ANKRD17: variants seen among roughly 807,000 people sequenced by gnomAD.
ANKRD17 encodes ankyrin repeat domain-containing protein 17.
Under a neutral mutation model 229.7 loss-of-function variants are expected in ANKRD17, and 19 were observed. The observed-to-expected ratio is 0.08, with a 90% CI of 0.06 to 0.12. ANKRD17 has a LOEUF of 0.12. Among genes scored for constraint, ANKRD17 ranks in the 10% least tolerant of loss-of-function variants. ANKRD17 has a pLI of 1.00. For synonymous variants in ANKRD17, 1,112 were observed against 1,146.1 expected (o/e 0.97, Z 0.60); for missense variants, 2,176 against 3,176.8 (o/e 0.68, Z 7.57).
chr4:73,177,546 T>C lies in ANKRD17; in HGVS notation c.394-13A>G, dbSNP rs747820142. The C allele has an allele frequency of 3.5e-5, 55 of 1,565,746 alleles. No homozygotes were observed. In the East Asian group the frequency reaches 1.1e-3, roughly 30 times the overall value. ...TGAAAGACTCCACCTATAAAACAAA[T>C]GCAAAAAGAGGGAGGAAGGGAGAAA... On this transcript the variant is annotated splice_polypyrimidine_tract_variant and intron_variant, in intron 1 of 33. Coordinates refer to ENST00000358602, the MANE Select transcript of ANKRD17 (RefSeq NM_032217.5).
rs745389627 is a variant in ANKRD17 at position 73,258,425 on chromosome 4, G to T, written c.244C>A (p.Pro82Thr). Residue 82 changes from proline (P) to threonine (T), a missense_variant, in exon 1 of 34, where the codon CCC becomes ACC. Pro to Thr is a conservative substitution (Grantham distance 38, BLOSUM62 -1). Coordinates refer to ENST00000358602, the MANE Select transcript of ANKRD17 (RefSeq NM_032217.5). ...CTGCTGCTTTCGCTGCTGCTGGGGG[G>T]TCGGCAAGTCCGGTTACGCTTGGCC... ...HKAKRNRTCR[P>T]PSSSESSSDS... 56 of 1,610,340 alleles carry T rather than the reference G, an allele frequency of 3.5e-5. No homozygotes were observed. Among genetic ancestry groups the T allele is most frequent in the Non-Finnish European group, 4.1e-5 (48 of 1,179,240 alleles).
At chr4:73,080,822 T>C (rs1479986260) in intron 30 of ANKRD17, 1 of 152,268 alleles carries the variant, frequency 6.6e-6, no homozygotes, top group African/African-American at 2.4e-5. Flanking sequence ...TTTTGTTTTT[T>C]ATGAGACGGT....
At chr4:73,248,122 C>T (rs555849201) in intron 1 of ANKRD17, among the ~76,000 whole-genome samples, 7 of 151,914 alleles carry the variant, frequency 4.6e-5, no homozygotes, top group Non-Finnish European at 1.0e-4. Context: ...AATATAGATA[C>T]TCTCCTTTCT....
At chr4:73,212,349 A>C (rs940290353) in intron 1 of ANKRD17, among the ~76,000 whole-genome samples, 2 of 152,210 alleles carry the variant, frequency 1.3e-5, no homozygotes, top group African/African-American at 4.8e-5. Flanking sequence ...TGTCAACATA[A>C]TTCAGCATTT....
At chr4:73,153,829 T>C in intron 6 of ANKRD17, 51 bp downstream of exon 6, 1 of 1,207,622 alleles carries the variant, frequency 8.3e-7, no homozygotes, top group Non-Finnish European at 1.1e-6. Flanking sequence ...ATAAAATAAT[T>C]ATAATTTCAC....
chr4:73,119,389 C>T (rs1236076631), intron 21 of ANKRD17, among the ~76,000 whole-genome samples: 2 of 152,152 alleles, frequency 1.3e-5, no homozygotes, highest in African/African-American at 2.4e-5. Flanking sequence ...ATTTGACCAT[C>T]CCTAATCTGA....
intron 2 of ANKRD17, among the ~76,000 whole-genome samples, chr4:73,169,607 C>T (rs917481966): frequency 3.3e-5 from 5 of 152,076 alleles, no homozygotes; most frequent in Non-Finnish European, 7.4e-5. Flanking sequence ...TCATAAGAAC[C>T]CAAAATCAGG....
At chr4:73,121,900 C>T in intron 18 of ANKRD17, 141 bp from the exon 19 acceptor site, 1 of 788,706 alleles carries the variant, frequency 1.3e-6, no homozygotes, top group South Asian at 2.9e-5. Context: ...TAAAATCAGC[C>T]TCTAATGATA....
At chr4:73,208,955 C>A (rs1739882261) in intron 1 of ANKRD17, among the ~76,000 whole-genome samples, 1 of 152,038 alleles carries the variant, frequency 6.6e-6, no homozygotes, top group African/African-American at 2.4e-5. Flanking sequence ...CTCATGCCTG[C>A]AATCCCAGCA....
At chr4:73,149,686 G>A (rs1256969268) in intron 7 of ANKRD17, among the ~76,000 whole-genome samples, 1 of 151,936 alleles carries the variant, frequency 6.6e-6, no homozygotes, top group Non-Finnish European at 1.5e-5. Context: ...GGGCAAAATG[G>A]TGAGATCCCA....
chr4:73,095,201 TCCCTGTATTCTTATA>T (rs1723167344), intron 27 of ANKRD17, among the ~76,000 whole-genome samples: 1 of 152,052 alleles, frequency 6.6e-6, no homozygotes, highest in African/African-American at 2.4e-5. Flanking sequence ...ATTCATTACT[TCCCTGTATTCTTATA>T]GTAGCATTAA....
chr4:73,149,317 A>T (rs1183699960), intron 7 of ANKRD17, among the ~76,000 whole-genome samples: 2 of 152,200 alleles, frequency 1.3e-5, no homozygotes, highest in East Asian at 3.8e-4. Flanking sequence ...TAGAAAAAAA[A>T]ACAGTAAGTA....
chr4:73,098,588 T>C, intron 25 of ANKRD17, 68 bp from the exon 26 acceptor site: 1 of 1,449,406 alleles, frequency 6.9e-7, no homozygotes. Context: ...CTATAAGCAC[T>C]TGAAGAAAAG....
intron 1 of ANKRD17, among the ~76,000 whole-genome samples, chr4:73,210,954 T>C (rs1360185153): frequency 6.6e-6 from 1 of 152,166 alleles, no homozygotes; most frequent in Non-Finnish European, 1.5e-5. Context: ...CCATTTTCCT[T>C]TGGTCTTAAT....
At chr4:73,113,682 A>T (rs1406750723) in intron 24 of ANKRD17, 110 bp downstream of exon 24, 5 of 869,856 alleles carry the variant, frequency 5.7e-6, no homozygotes, top group African/African-American at 5.1e-5. Flanking sequence ...GAAATCATGT[A>T]CGTAATTTAA....
intron 2 of ANKRD17, among the ~76,000 whole-genome samples, chr4:73,176,692 C>T (rs1195252278): frequency 6.6e-6 from 1 of 151,916 alleles, no homozygotes; most frequent in Admixed American, 6.6e-5. Flanking sequence ...TAATTGTACA[C>T]TTAAAAATAA....
intron 1 of ANKRD17, among the ~76,000 whole-genome samples, chr4:73,236,117 A>G (rs1392178061): frequency 6.6e-6 from 1 of 152,162 alleles, no homozygotes; most frequent in South Asian, 2.1e-4. Context: ...CAGAGTAGGG[A>G]AAAAGGATGG....
At chr4:73,191,738 T>C (rs945947982) in intron 1 of ANKRD17, among the ~76,000 whole-genome samples, 19 of 151,994 alleles carry the variant, frequency 1.3e-4, no homozygotes, top group Admixed American at 7.9e-4. Flanking sequence ...TAAATACGAA[T>C]GCCCAGTTTC....
At chr4:73,222,928 T>C (rs1462155282) in intron 1 of ANKRD17, 2 of 1,401,398 alleles carry the variant, frequency 1.4e-6, no homozygotes, top group Non-Finnish European at 9.8e-7. Context: ...ATAAGATTTC[T>C]TTGTTCAGAT....
Sources: gnomAD v4.1 joint callset for allele counts (sites outside exome capture counted in the v4.1 genomes callset) on GRCh38, gnomAD v4.1.1 for gene constraint, MANE v1.5 for transcripts, NCBI Gene and HGNC (gene_info 2026-07-23, HGNC 2026-07-21) for gene names.